The following NRP1 variants were observed in gnomAD, a reference collection of about 807,000 sequenced individuals.
NRP1 encodes the protein neuropilin-1.
A neutral mutation model predicts 106.7 loss-of-function variants in NRP1; 35 were observed. The observed-to-expected ratio is 0.33, with a 90% CI of 0.25 to 0.43. The LOEUF is 0.43. NRP1 is among the 20% of genes least tolerant of loss of function. NRP1 has a pLI of 1.00. For synonymous variants in NRP1, 437 were observed against 417.9 expected (o/e 1.05, Z -0.56); for missense variants, 1,024 against 1,170.4 (o/e 0.87, Z 1.83).
At chr10:33,208,830 C>T (rs1043400594) in intron 9 of NRP1, among the ~76,000 whole-genome samples, 5 of 151,230 alleles carry the variant, frequency 3.3e-5, no homozygotes, top group Non-Finnish European at 7.4e-5. Flanking sequence ...ATTCCTAACA[C>T]ACCTTTCCAC....
At chr10:33,273,590 C>A (rs1843467308) in intron 2 of NRP1, among the ~76,000 whole-genome samples, 1 of 152,178 alleles carries the variant, frequency 6.6e-6, no homozygotes, top group African/African-American at 2.4e-5. Flanking sequence ...GCCAGTGTGG[C>A]AAACACGGCA....
intron 4 of NRP1, among the ~76,000 whole-genome samples, chr10:33,259,382 C>G (rs779821545): frequency 6.6e-6 from 1 of 152,120 alleles, no homozygotes; most frequent in South Asian, 2.1e-4. Flanking sequence ...TGAACAACAG[C>G]GAGACCTTAG....
chr10:33,224,790 G>GCTCCCAGTTATA (rs1334929241), intron 7 of NRP1, among the ~76,000 whole-genome samples: 1 of 152,038 alleles, frequency 6.6e-6, no homozygotes. Context: ...TCATCATTCA[G>GCTCCCAGTTATA]CTCCCAGTTA....
chr10:33,238,890 T>C (rs1237659289), intron 6 of NRP1, among the ~76,000 whole-genome samples: 1 of 147,380 alleles, frequency 6.8e-6, no homozygotes, highest in African/African-American at 2.5e-5. Context: ...TTTTGGGTAA[T>C]TGGAGTGGGT....
At chr10:33,241,289 C>A (rs1318564207) in intron 6 of NRP1, among the ~76,000 whole-genome samples, 1 of 152,180 alleles carries the variant, frequency 6.6e-6, no homozygotes, top group Admixed American at 6.5e-5. Flanking sequence ...CATGTGCTCC[C>A]TTTGCTATCC....
intron 6 of NRP1, 57 bp from the exon 7 acceptor site, chr10:33,226,346 AG>A (rs1839670984): frequency 6.3e-7 from 1 of 1,586,630 alleles, no homozygotes; most frequent in Non-Finnish European, 8.6e-7. Context: ...AGTAACCCAA[AG>A]CATCTTTTCC....
At chr10:33,265,722 T>C (rs536264837) in intron 3 of NRP1, among the ~76,000 whole-genome samples, 2 of 152,380 alleles carry the variant, frequency 1.3e-5, no homozygotes, top group Non-Finnish European at 2.9e-5. Context: ...TCAAACCTTC[T>C]TGGACGTGGC....
chr10:33,192,195 C>T, intron 13 of NRP1, 86 bp downstream of exon 13: 2 of 1,441,322 alleles, frequency 1.4e-6, no homozygotes, highest in Non-Finnish European at 1.9e-6. Flanking sequence ...CCTAAATTCA[C>T]AGACATTAGA....
intron 2 of NRP1, among the ~76,000 whole-genome samples, chr10:33,302,383 C>T (rs75290613): frequency 0.012 from 1,771 of 152,330 alleles, 36 homozygotes; most frequent in African/African-American, 0.04. Flanking sequence ...GGCCCACAGC[C>T]TACCAGGGCT....
chr10:33,279,546 C>T (rs372059364), intron 2 of NRP1, among the ~76,000 whole-genome samples: 1 of 152,214 alleles, frequency 6.6e-6, no homozygotes, highest in East Asian at 1.9e-4. Context: ...ATGAAGTCAT[C>T]TCACCCAGGA....
chr10:33,267,741 ATG>A, intron 3 of NRP1, among the ~76,000 whole-genome samples: 1 of 152,312 alleles, frequency 6.6e-6, no homozygotes, highest in Middle Eastern at 3.4e-3. Context: ...TTGGAAATAA[ATG>A]TAGGGCTGGT....
intron 1 of NRP1, 89 bp from the exon 2 acceptor site, chr10:33,330,971 T>G: frequency 8.4e-7 from 1 of 1,197,188 alleles, no homozygotes; most frequent in Non-Finnish European, 1.2e-6. Context: ...TATTAAACAT[T>G]CCTTAACTTT....
chr10:33,254,293 A>T, intron 5 of NRP1, 99 bp from the exon 6 acceptor site: 1 of 1,094,084 alleles, frequency 9.1e-7, no homozygotes, highest in Non-Finnish European at 1.3e-6. Flanking sequence ...TTTCATTCAA[A>T]ATTCTTTAAA....
At chr10:33,290,633 T>C (rs1844927643) in intron 2 of NRP1, among the ~76,000 whole-genome samples, 1 of 152,186 alleles carries the variant, frequency 6.6e-6, no homozygotes. Context: ...CCAGCTTTTG[T>C]TCAATTAGTT....
intron 6 of NRP1, among the ~76,000 whole-genome samples, chr10:33,235,054 C>G (rs1346660513): frequency 6.6e-6 from 1 of 152,226 alleles, no homozygotes; most frequent in African/African-American, 2.4e-5. Flanking sequence ...TACATGGGCT[C>G]TGTCACATCT....
chr10:33,185,211 T>C (rs1835922100), intron 15 of NRP1, among the ~76,000 whole-genome samples: 1 of 152,228 alleles, frequency 6.6e-6, no homozygotes, highest in Non-Finnish European at 1.5e-5. Flanking sequence ...AACAATGCAT[T>C]CTTAATTAAA....
At chr10:33,297,613 G>A (rs938747447) in intron 2 of NRP1, among the ~76,000 whole-genome samples, 4 of 151,274 alleles carry the variant, frequency 2.6e-5, no homozygotes, top group African/African-American at 9.7e-5. Flanking sequence ...CTTGAACCCA[G>A]GAGGCAGAGG....
At chr10:33,200,432 T>A (rs1378401472) in intron 11 of NRP1, among the ~76,000 whole-genome samples, 5 of 152,228 alleles carry the variant, frequency 3.3e-5, no homozygotes, top group Admixed American at 3.3e-4. Flanking sequence ...TGGAATTTGG[T>A]GTGGTTTGTA....
intron 13 of NRP1, among the ~76,000 whole-genome samples, chr10:33,191,408 T>A (rs1219107158): frequency 6.6e-6 from 1 of 152,176 alleles, no homozygotes; most frequent in Non-Finnish European, 1.5e-5. Context: ...CCCCAGTGAA[T>A]AAGAATTCCA....
Sources: allele counts gnomAD v4.1 joint callset (sites outside exome capture counted in the v4.1 genomes callset), GRCh38; gene constraint gnomAD v4.1.1; transcripts MANE v1.5; gene names NCBI Gene and HGNC (gene_info 2026-07-23, HGNC 2026-07-21).